Variants in NBR1 observed in about 807,000 individuals in gnomAD.
The protein encoded by NBR1 is NBR1 autophagy cargo receptor.
Under a neutral mutation model 115.5 loss-of-function variants are expected in NBR1, and 59 were observed. The ratio of observed to expected loss-of-function variants is 0.51; its 90% confidence interval spans 0.41 to 0.63. The LOEUF is 0.63. NBR1 is among the 30% of genes least tolerant of loss of function. The probability of loss-of-function intolerance (pLI) is 0.00; values close to 1 mark genes in which losing one functional copy is unlikely to be tolerated. For synonymous variants in NBR1, 373 were observed against 414.7 expected (o/e 0.90, Z 1.22); for missense variants, 1,043 against 1,150.5 (o/e 0.91, Z 1.35).
chr17:43,191,338 CTTTCT>C, intron 9 of NBR1, 29 bp from the exon 10 acceptor site: 3 of 1,503,098 alleles, frequency 2.0e-6, no homozygotes, highest in Non-Finnish European at 2.8e-6. Flanking sequence ...TTATTTGTGA[CTTTCT>C]TTTAAGACTT....
At chr17:43,187,590 C>A (rs1247343893) in intron 6 of NBR1, among the ~76,000 whole-genome samples, 13 of 138,074 alleles carry the variant, frequency 9.4e-5, no homozygotes, top group Admixed American at 3.3e-4. Flanking sequence ...CTCACTGCAA[C>A]CTCTGCCTCC....
At chr17:43,184,383 T>TTTTTTTTTTTTTTTTTTA (rs2056751123) in intron 5 of NBR1, among the ~76,000 whole-genome samples, 3 of 145,876 alleles carry the variant, frequency 2.1e-5, no homozygotes, top group South Asian at 2.3e-4. Flanking sequence ...TTTTTTTTTT[T>TTTTTTTTTTTTTTTTTTA]GAGACAGAGT....
At chr17:43,175,407 A>T (rs1025996303) in intron 1 of NBR1, among the ~76,000 whole-genome samples, 1 of 152,222 alleles carries the variant, frequency 6.6e-6, no homozygotes, top group Non-Finnish European at 1.5e-5. Flanking sequence ...TTAACCAGTC[A>T]TCATAAAGTA....
intron 3 of NBR1, among the ~76,000 whole-genome samples, chr17:43,178,953 C>T (rs1190251333): frequency 6.6e-6 from 1 of 151,972 alleles, no homozygotes; most frequent in African/African-American, 2.4e-5. Flanking sequence ...GATGGAATCT[C>T]ACTTTGTTGC....
intron 10 of NBR1, among the ~76,000 whole-genome samples, chr17:43,192,608 A>G (rs2056974597): frequency 6.6e-6 from 1 of 151,946 alleles, no homozygotes; most frequent in Non-Finnish European, 1.5e-5. Flanking sequence ...TGACCTCGTG[A>G]TCTATCTGCC....
At chr17:43,202,391 T>C (rs916638660) in intron 18 of NBR1, among the ~76,000 whole-genome samples, 1 of 152,138 alleles carries the variant, frequency 6.6e-6, no homozygotes, top group Admixed American at 6.6e-5. Flanking sequence ...TCTGTTTTCT[T>C]ACTACAAAAT....
chr17:43,171,682 C>T (rs1308309103), intron 1 of NBR1, among the ~76,000 whole-genome samples: 4 of 152,214 alleles, frequency 2.6e-5, no homozygotes, highest in Non-Finnish European at 5.9e-5. Flanking sequence ...AAAAATGACA[C>T]TACTTACACA....
rs747962987 is a variant in NBR1, at chr17:43,189,570, T to A, written c.481-18T>A. 10 of 1,598,682 alleles carry A rather than the reference T, an allele frequency of 6.3e-6. 1 individual carries two copies. The Admixed American group carries it at 1.7e-4, about 27-fold the overall frequency. ...ATTGGAACTGAGTTTTTTCCCTACC[T>A]TCTGCTCCATATTCTAGTTCAGAGA... On this transcript the variant is annotated intron_variant, in intron 7 of 20. Transcript: ENST00000590996.
At chr17:43,191,167 T>C (rs537180181) in intron 9 of NBR1, among the ~76,000 whole-genome samples, 3 of 152,228 alleles carry the variant, frequency 2.0e-5, no homozygotes, top group African/African-American at 7.2e-5. Context: ...GGTGAGCAGA[T>C]TGCTTGAGCC....
chr17:43,181,555 A>G (rs903875807), intron 5 of NBR1, among the ~76,000 whole-genome samples: 4 of 152,116 alleles, frequency 2.6e-5, no homozygotes, highest in Admixed American at 2.0e-4. Flanking sequence ...AGTCCCAGCT[A>G]CTTGGGAGGC....
At chr17:43,175,951 T>C (rs1272852887) in intron 2 of NBR1, 50 bp downstream of exon 2, 2 of 1,071,552 alleles carry the variant, frequency 1.9e-6, no homozygotes, top group Non-Finnish European at 2.8e-6. Flanking sequence ...TGGTTATTTT[T>C]TCCAAAGGTA....
intron 1 of NBR1, among the ~76,000 whole-genome samples, chr17:43,173,723 C>G (rs1275399404): frequency 6.6e-6 from 1 of 152,156 alleles, no homozygotes; most frequent in African/African-American, 2.4e-5. Context: ...AGAACCGAAG[C>G]TCAAAAGCGA....
chr17:43,171,239 A>G lies in NBR1; in HGVS notation c.-73A>G, dbSNP rs2056354318. The G allele has an allele frequency of 6.5e-6, 1 of 152,674 alleles. No individual in the cohort carries two copies. The highest frequency in any genetic ancestry group is 1.5e-5 in the Non-Finnish European group (1 of 68,042). The allele number at this position is 152,674 out of a possible 1,614,324, so 9.5% of individuals were successfully genotyped here. ...AGATTCACCCCACAGGGATAGCGGC[A>G]GAGCCGGTAGCGGACGGTCCTTGCA... On this transcript the variant is annotated 5_prime_UTR_variant, in exon 1 of 21. Coordinates refer to ENST00000590996, the MANE Select transcript of NBR1 (RefSeq NM_005899.5).
At chr17:43,192,401 G>T (rs907074798) in intron 10 of NBR1, among the ~76,000 whole-genome samples, 1 of 149,594 alleles carries the variant, frequency 6.7e-6, no homozygotes, top group Non-Finnish European at 1.5e-5. Flanking sequence ...TTGGAGTCTC[G>T]CCTGTTGCCC....
At chr17:43,196,759 T>A (rs949507834) in intron 15 of NBR1, among the ~76,000 whole-genome samples, 168 bp downstream of exon 15, 2 of 152,236 alleles carry the variant, frequency 1.3e-5, no homozygotes, top group Non-Finnish European at 2.9e-5. Context: ...ATAGCAGCTA[T>A]TCCTTGGTTT....
intron 7 of NBR1, among the ~76,000 whole-genome samples, 200 bp from the exon 8 acceptor site, chr17:43,189,388 A>G (rs928971979): frequency 6.6e-6 from 1 of 152,174 alleles, no homozygotes; most frequent in Non-Finnish European, 1.5e-5. Context: ...TATCAAAAGG[A>G]TGTTTTGATA....
chr17:43,209,676 C>T (rs1295615273), intron 20 of NBR1: 3 of 1,535,512 alleles, frequency 2.0e-6, no homozygotes, highest in Non-Finnish European at 2.6e-6. Context: ...TTTCCCTTTT[C>T]TCCTCCTTCA....
intron 9 of NBR1, 121 bp downstream of exon 9, chr17:43,190,897 A>G (rs537930279): frequency 2.6e-5 from 26 of 982,288 alleles, no homozygotes; most frequent in Middle Eastern, 6.6e-4. Context: ...TTGATGTGCA[A>G]TAATGAAGAC....
intron 2 of NBR1, among the ~76,000 whole-genome samples, chr17:43,177,357 T>C (rs1046870194): frequency 2.0e-5 from 3 of 150,548 alleles, no homozygotes; most frequent in African/African-American, 7.3e-5. Flanking sequence ...ACATAACTTA[T>C]ACACTGTTCT....
Sources: gnomAD v4.1 joint callset for allele counts (sites outside exome capture counted in the v4.1 genomes callset) on GRCh38, gnomAD v4.1.1 for gene constraint, MANE v1.5 for transcripts, NCBI Gene and HGNC (gene_info 2026-07-23, HGNC 2026-07-21) for gene names.